The following RAB31 variants were observed in gnomAD, a reference collection of about 807,000 sequenced individuals.
RAB31 encodes ras-related protein Rab-31.
Under a neutral mutation model 25.6 loss-of-function variants are expected in RAB31, and 21 were observed. The ratio of observed to expected loss-of-function variants is 0.82; its 90% confidence interval spans 0.58 to 1.18. RAB31 has a LOEUF of 1.18. Among genes scored for constraint, RAB31 ranks in the 50% most tolerant of loss-of-function variants. The pLI is 0.00. For missense variants in RAB31, 196 were observed against 250.1 expected (o/e 0.78, Z 1.46); for synonymous variants, 87 against 84.0 (o/e 1.04, Z -0.20).
chr18:9,840,468 G>A (rs753362723), intron 5 of RAB31, among the ~76,000 whole-genome samples: 7 of 152,134 alleles, frequency 4.6e-5, no homozygotes, highest in Non-Finnish European at 1.0e-4. Context: ...CTGCATCATG[G>A]GTCTGTGCAG....
chr18:9,726,995 A>G (rs1028652202), intron 1 of RAB31, among the ~76,000 whole-genome samples: 3 of 152,172 alleles, frequency 2.0e-5, no homozygotes, highest in Non-Finnish European at 2.9e-5. Flanking sequence ...GTTGTAGCAG[A>G]TGCTTACTGT....
chr18:9,837,292 A>C (rs558677072), intron 5 of RAB31, among the ~76,000 whole-genome samples: 1 of 152,368 alleles, frequency 6.6e-6, no homozygotes, highest in Non-Finnish European at 1.5e-5. Flanking sequence ...TGGTGGAATA[A>C]ATAAGAGAAG....
chr18:9,771,569 C>T (rs1368550527), intron 1 of RAB31, among the ~76,000 whole-genome samples: 1 of 152,194 alleles, frequency 6.6e-6, no homozygotes, highest in African/African-American at 2.4e-5. Flanking sequence ...TGTGTCACAG[C>T]CCTAGCGAGT....
At chr18:9,836,022 T>A (rs773336790) in intron 5 of RAB31, among the ~76,000 whole-genome samples, 1 of 151,930 alleles carries the variant, frequency 6.6e-6, no homozygotes, top group Non-Finnish European at 1.5e-5. Flanking sequence ...TGATGAGATG[T>A]TGTGAATGAT....
chr18:9,795,846 G>A (rs1265770058), intron 3 of RAB31, among the ~76,000 whole-genome samples: 1 of 152,166 alleles, frequency 6.6e-6, no homozygotes, highest in Admixed American at 6.5e-5. Flanking sequence ...AGAACTAAAA[G>A]TAGATCTACC....
chr18:9,774,566 G>A (rs1470190688), intron 1 of RAB31, among the ~76,000 whole-genome samples: 2 of 152,120 alleles, frequency 1.3e-5, no homozygotes, highest in Non-Finnish European at 2.9e-5. Flanking sequence ...TCACTTGTCT[G>A]GTGTTGTCTC....
chr18:9,741,751 C>T (rs1407005285), intron 1 of RAB31, among the ~76,000 whole-genome samples: 2 of 152,162 alleles, frequency 1.3e-5, no homozygotes, highest in South Asian at 2.1e-4. Flanking sequence ...CCTCAGGGGC[C>T]GTTGACTTTT....
chr18:9,714,148 G>A (rs527377766), intron 1 of RAB31, among the ~76,000 whole-genome samples: 1 of 152,322 alleles, frequency 6.6e-6, no homozygotes, highest in East Asian at 1.9e-4. Context: ...TAAGGCCACA[G>A]CCATGAGAAA....
At chr18:9,858,751 C>G (rs555098757) in intron 6 of RAB31, among the ~76,000 whole-genome samples, 2 of 152,286 alleles carry the variant, frequency 1.3e-5, no homozygotes, top group East Asian at 1.9e-4. Flanking sequence ...ATAAATGACA[C>G]TGCTAGGAAG....
intron 2 of RAB31, among the ~76,000 whole-genome samples, chr18:9,776,128 CAT>C (rs2068371107): frequency 6.6e-6 from 1 of 152,146 alleles, no homozygotes; most frequent in African/African-American, 2.4e-5. Flanking sequence ...TTTCCACTGT[CAT>C]GTGTGGGGAG....
intron 1 of RAB31, among the ~76,000 whole-genome samples, chr18:9,733,903 G>A (rs373322278): frequency 1.3e-5 from 2 of 152,068 alleles, no homozygotes; most frequent in African/African-American, 4.8e-5. Flanking sequence ...TTACTGGGGA[G>A]GGGGGGCTTG....
chr18:9,735,823 ATCT>A (rs1440400471), intron 1 of RAB31, among the ~76,000 whole-genome samples: 1 of 152,162 alleles, frequency 6.6e-6, no homozygotes, highest in Non-Finnish European at 1.5e-5. Context: ...AATCAGTAAC[ATCT>A]TCTTTGCCAA....
chr18:9,854,107 G>T (rs189888330), intron 6 of RAB31, among the ~76,000 whole-genome samples: 1 of 151,800 alleles, frequency 6.6e-6, no homozygotes, highest in South Asian at 2.1e-4. Flanking sequence ...TTAGGTATTT[G>T]TCCTAATGCT....
intron 3 of RAB31, among the ~76,000 whole-genome samples, chr18:9,803,821 G>T (rs1204402472): frequency 2.0e-5 from 3 of 152,234 alleles, no homozygotes; most frequent in Admixed American, 1.3e-4. Context: ...GGTGGAGCAG[G>T]GACTGCCTCG....
At chr18:9,832,497 A>G (rs770474274) in intron 5 of RAB31, among the ~76,000 whole-genome samples, 1 of 152,262 alleles carries the variant, frequency 6.6e-6, no homozygotes, top group Non-Finnish European at 1.5e-5. Flanking sequence ...TGCCTGGCCA[A>G]GAAATTACGA....
intron 5 of RAB31, among the ~76,000 whole-genome samples, chr18:9,833,174 G>T (rs1023905717): frequency 3.3e-5 from 5 of 152,240 alleles, no homozygotes; most frequent in African/African-American, 1.2e-4. Flanking sequence ...TGAGAAAATG[G>T]CCCAGGAAGG....
At position 9,860,280 on chromosome 18, in the gene RAB31, C is replaced by T. The variant is rs963270164; in HGVS notation, c.*955C>T. ...TCATTGGGCAAACTTCTAATAATAA[C>T]AATTAATAATAGGTTACAGGAAAGC... On this transcript the variant is annotated 3_prime_UTR_variant, in exon 7 of 7. Coordinates refer to ENST00000578921, the MANE Select transcript of RAB31 (RefSeq NM_006868.4). The T allele has an allele frequency of 2.0e-5, 3 of 152,108 alleles. No homozygotes were observed. The highest frequency in any genetic ancestry group is 7.2e-5 in the African/African-American group (3 of 41,424). 9.4% of individuals were successfully genotyped at this position (152,108 alleles called of 1,614,324 possible).
chr18:9,780,969 T>A (rs1313107817), intron 2 of RAB31, among the ~76,000 whole-genome samples: 1 of 114,198 alleles, frequency 8.8e-6, no homozygotes, highest in African/African-American at 2.9e-5. Flanking sequence ...AAACAAAACA[T>A]AAATAAATAA....
At chr18:9,813,483 C>T (rs1281084716) in intron 3 of RAB31, among the ~76,000 whole-genome samples, 1 of 152,170 alleles carries the variant, frequency 6.6e-6, no homozygotes, top group African/African-American at 2.4e-5. Flanking sequence ...TTGGCCTTTA[C>T]CCAACAGTAG....
Sources: allele counts gnomAD v4.1 joint callset (sites outside exome capture counted in the v4.1 genomes callset), GRCh38; gene constraint gnomAD v4.1.1; transcripts MANE v1.5; gene names NCBI Gene and HGNC (gene_info 2026-07-23, HGNC 2026-07-21).